TLN2: variants seen among roughly 807,000 people sequenced by gnomAD.
TLN2 encodes the protein talin 2.
TLN2 carries 118 observed loss-of-function variants against 294.7 expected under a neutral mutation model. The observed-to-expected ratio is 0.40, with a 90% confidence interval of 0.34 to 0.47. The LOEUF (loss-of-function observed/expected upper bound fraction) is 0.47. TLN2 is among the 20% of genes least tolerant of loss of function. TLN2 has a pLI of 0.84. For synonymous variants in TLN2, 1,431 were observed against 1,304.5 expected, an observed-to-expected ratio of 1.10 and a Z score of -2.09; for missense variants, 3,083 against 3,282.2, an observed-to-expected ratio of 0.94 and a Z score of 1.48.
intron 2 of TLN2, among the ~76,000 whole-genome samples, chr15:62,598,664 T>C (rs2046747880): frequency 6.6e-6 from 1 of 151,994 alleles, no homozygotes; most frequent in Admixed American, 6.5e-5. Context: ...ATGCCTCATA[T>C]ATTTTTGTAG....
chr15:62,761,325 A>G (rs1221650004), intron 37 of TLN2, among the ~76,000 whole-genome samples: 1 of 152,226 alleles, frequency 6.6e-6, no homozygotes, highest in African/African-American at 2.4e-5. Flanking sequence ...CAAGGATTGT[A>G]GTCTCAAAAG....
chr15:62,762,908 G>A (rs1281808177), intron 39 of TLN2, among the ~76,000 whole-genome samples: 1 of 152,170 alleles, frequency 6.6e-6, no homozygotes, highest in South Asian at 2.1e-4. Flanking sequence ...ATATTCTAGG[G>A]CCTGCAGTAA....
At chr15:62,586,124 C>G (rs950343429) in intron 1 of TLN2, among the ~76,000 whole-genome samples, 3 of 152,160 alleles carry the variant, frequency 2.0e-5, no homozygotes, top group African/African-American at 7.2e-5. Context: ...CTAAATGCAA[C>G]GTTTTGTCTC....
At chr15:62,415,400 T>C (rs975344623) in intron 1 of TLN2, among the ~76,000 whole-genome samples, 6 of 142,494 alleles carry the variant, frequency 4.2e-5, no homozygotes, top group Admixed American at 1.5e-4. Flanking sequence ...GCAAAAATGT[T>C]TGATGAACAT....
intron 2 of TLN2, among the ~76,000 whole-genome samples, chr15:62,606,355 C>T (rs1405339215): frequency 6.6e-5 from 10 of 151,820 alleles, no homozygotes; most frequent in African/African-American, 1.9e-4. Flanking sequence ...CCTCCCAAAG[C>T]GCTGGGATTA....
intron 3 of TLN2, among the ~76,000 whole-genome samples, chr15:62,644,198 A>C (rs550547538): frequency 3.9e-5 from 4 of 102,306 alleles, no homozygotes; most frequent in African/African-American, 1.6e-4. Context: ...CCAATTTGCC[A>C]GATTCAGTTG....
At chr15:62,412,560 C>CT (rs1468678482) in intron 1 of TLN2, among the ~76,000 whole-genome samples, 2 of 152,336 alleles carry the variant, frequency 1.3e-5, no homozygotes, top group Admixed American at 6.5e-5. Context: ...TCCATTAACT[C>CT]TGTCAGGACA....
At chr15:62,414,131 T>C (rs1411351951) in intron 1 of TLN2, among the ~76,000 whole-genome samples, 2 of 114,896 alleles carry the variant, frequency 1.7e-5, no homozygotes, top group African/African-American at 6.0e-5. Flanking sequence ...GTCATATTGG[T>C]TGAACTCAGT....
At chr15:62,507,638 A>G (rs2039695152) in intron 1 of TLN2, among the ~76,000 whole-genome samples, 2 of 152,242 alleles carry the variant, frequency 1.3e-5, no homozygotes, top group South Asian at 2.1e-4. Context: ...AGCTTGAGTT[A>G]GTGCAGTGAG....
intron 1 of TLN2, among the ~76,000 whole-genome samples, chr15:62,523,664 A>G (rs1234329003): frequency 6.6e-6 from 1 of 152,222 alleles, no homozygotes; most frequent in African/African-American, 2.4e-5. Context: ...ATAATAGAGA[A>G]TAACTAGCTT....
intron 9 of TLN2, among the ~76,000 whole-genome samples, chr15:62,667,865 G>T (rs1185152201): frequency 2.0e-5 from 3 of 152,190 alleles, no homozygotes; most frequent in Non-Finnish European, 4.4e-5. Flanking sequence ...ATAATATTTA[G>T]CCTTAACAGT....
chr15:62,762,402 G>T lies in TLN2; in HGVS notation c.4910G>T (p.Gly1637Val). 1.2e-6 allele frequency: 2 copies of T among 1,614,150 alleles called. No homozygotes were observed. Among genetic ancestry groups the T allele is most frequent in the Non-Finnish European group, 1.7e-6 (2 of 1,180,034 alleles). The change falls in exon 39 of 59, where the codon GGA becomes GTA. Residue 1637 changes from glycine to valine, a missense_variant. By Grantham distance (109) the Gly-to-Val change is moderately radical. Transcript: ENST00000636159. ...KDPPTWSVLA[G>V]HSHTVSDSIK... Reference sequence around the variant, plus strand: ...CCACCCACCTGGTCTGTACTGGCTGGACATTCCCATACAGTGTCCGACTCC... The same window carrying T: ...CCACCCACCTGGTCTGTACTGGCTGTACATTCCCATACAGTGTCCGACTCC...
At chr15:62,548,962 G>T (rs2140546828) in intron 1 of TLN2, among the ~76,000 whole-genome samples, 1 of 152,306 alleles carries the variant, frequency 6.6e-6, no homozygotes, top group South Asian at 2.1e-4. Context: ...TACTGTATCT[G>T]TCTTGGTCCT....
chr15:62,462,637 T>A (rs1304644855), intron 1 of TLN2, among the ~76,000 whole-genome samples: 1 of 152,036 alleles, frequency 6.6e-6, no homozygotes, highest in Non-Finnish European at 1.5e-5. Flanking sequence ...ACAAGTGAGG[T>A]AGTGCTATAG....
At chr15:62,592,704 G>A (rs907407593) in intron 2 of TLN2, among the ~76,000 whole-genome samples, 4 of 152,198 alleles carry the variant, frequency 2.6e-5, no homozygotes, top group Non-Finnish European at 5.9e-5. Context: ...TCATGCTCTT[G>A]AGTCTTTCAC....
In TLN2 at chr15:62,653,043, G is replaced by A. The variant is rs1360329014; in HGVS notation, c.365-119G>A. The A allele has an allele frequency of 3.9e-6, 3 of 769,108 alleles. No individual in the cohort carries two copies. In the East Asian group the frequency reaches 8.9e-5, roughly 23 times the overall value. 47.6% of individuals were successfully genotyped at this position (769,108 alleles called of 1,614,324 possible). ...GGCCACCTCCCTGACCCTCATATTT[G>A]TAAGGCCGTTTCTGGTTCTTTGCCA... is the stretch of plus-strand genomic sequence containing the variant. On this transcript the variant is annotated intron_variant, in intron 6 of 58. Transcript: ENST00000636159.
chr15:62,533,235 CAG>C (rs2041149125), intron 1 of TLN2, among the ~76,000 whole-genome samples: 1 of 116,936 alleles, frequency 8.6e-6, no homozygotes, highest in South Asian at 2.8e-4. Context: ...GCCTCGGTGA[CAG>C]AGTGAGACTC....
chr15:62,615,778 T>C (rs1308276313), intron 2 of TLN2, among the ~76,000 whole-genome samples: 1 of 152,220 alleles, frequency 6.6e-6, no homozygotes, highest in Non-Finnish European at 1.5e-5. Context: ...AGTCTCATCA[T>C]ATTTATGACC....
At chr15:62,766,452 G>T (rs1227915307) in intron 41 of TLN2, 30 bp downstream of exon 41, 1 of 1,580,308 alleles carries the variant, frequency 6.3e-7, no homozygotes, top group African/African-American at 1.3e-5. Flanking sequence ...TCCTGCGAGG[G>T]TGTGCGTGTT....
Sources: gnomAD v4.1 joint callset for allele counts (sites outside exome capture counted in the v4.1 genomes callset) on GRCh38, gnomAD v4.1.1 for gene constraint, MANE v1.5 for transcripts, NCBI Gene and HGNC (gene_info 2026-07-23, HGNC 2026-07-21) for gene names.